DGKB: variants seen among roughly 807,000 people sequenced by gnomAD.
The protein encoded by DGKB is diacylglycerol kinase beta, also known as 90 kDa diacylglycerol kinase.
Under a neutral mutation model 114.3 loss-of-function variants are expected in DGKB, and 67 were observed. That is an observed-to-expected ratio of 0.59 (90% CI 0.48 to 0.72). The LOEUF is 0.72. Among genes scored for constraint, DGKB ranks in the 30% least tolerant of loss-of-function variants. The pLI, the probability that DGKB is intolerant of heterozygous loss-of-function variation, is 0.00. For missense variants in DGKB, 907 were observed against 975.2 expected, an observed-to-expected ratio of 0.93 and a Z score of 0.93; for synonymous variants, 398 against 323.1, an observed-to-expected ratio of 1.23 and a Z score of -2.49.
At chr7:14,734,719 G>C (rs759829771) in intron 5 of DGKB, among the ~76,000 whole-genome samples, 1 of 152,104 alleles carries the variant, frequency 6.6e-6, no homozygotes, top group Admixed American at 6.5e-5. Flanking sequence ...TTAACAGGTA[G>C]TGGTTTGATT....
intron 21 of DGKB, among the ~76,000 whole-genome samples, chr7:14,408,518 A>T (rs1824322667): frequency 6.6e-6 from 1 of 152,144 alleles, no homozygotes; most frequent in Non-Finnish European, 1.5e-5. Context: ...TGAATAATTT[A>T]TATATTGAGG....
chr7:14,461,340 TAAAC>T (rs764446991), intron 21 of DGKB, among the ~76,000 whole-genome samples: 13 of 146,242 alleles, frequency 8.9e-5, no homozygotes, highest in Non-Finnish European at 1.2e-4. Context: ...TTTTTAAAGA[TAAAC>T]AAAATAGACC....
chr7:14,660,018 T>C (rs1816703068), intron 13 of DGKB, among the ~76,000 whole-genome samples: 1 of 151,284 alleles, frequency 6.6e-6, no homozygotes, highest in African/African-American at 2.4e-5. Context: ...TGGCTCTGTT[T>C]ATATGCTGGA....
chr7:14,396,406 A>G (rs1370927632), intron 21 of DGKB, among the ~76,000 whole-genome samples: 5 of 152,144 alleles, frequency 3.3e-5, no homozygotes, highest in Admixed American at 1.3e-4. Flanking sequence ...ATTTTCTACA[A>G]AAAGAAAGCT....
intron 1 of DGKB, among the ~76,000 whole-genome samples, chr7:14,965,085 T>C (rs895762452): frequency 6.6e-6 from 1 of 152,104 alleles, no homozygotes; most frequent in Non-Finnish European, 1.5e-5. Context: ...TTTGGGAGGA[T>C]CAGAAGAATA....
chr7:14,449,165 C>G (rs117408020), intron 21 of DGKB, among the ~76,000 whole-genome samples: 12 of 152,086 alleles, frequency 7.9e-5, no homozygotes, highest in Non-Finnish European at 1.6e-4. Context: ...AAGATCTGTT[C>G]TTTTTACATA....
intron 2 of DGKB, among the ~76,000 whole-genome samples, chr7:14,819,083 C>T (rs776242542): frequency 1.1e-4 from 17 of 152,136 alleles, no homozygotes; most frequent in South Asian, 4.1e-4. Flanking sequence ...TCTTAGTCTA[C>T]GCCCTGTCCT....
chr7:14,373,108 A>C (rs996990023), intron 21 of DGKB, among the ~76,000 whole-genome samples: 2 of 152,214 alleles, frequency 1.3e-5, no homozygotes, highest in Non-Finnish European at 2.9e-5. Context: ...TGCACATTGA[A>C]TGACAAAATT....
In DGKB at chr7:14,935,571, G is replaced by A. The variant is rs138973063; in HGVS notation, c.-188+39125C>T. Among the ~76,000 whole-genome samples the A allele has an allele frequency of 7.7e-4, 117 of 152,134 alleles. 1 individual carries two copies. The highest frequency in any genetic ancestry group is 2.6e-3 in the African/African-American group (110 of 41,524). On this transcript the variant is annotated intron_variant, in intron 1 of 4. Transcript: ENST00000437998. The stretch of plus-strand genomic sequence containing the variant: ...GTAATTTTATAGAAAATGAGGAAAC[G>A]AGTGAATGTAAAATAGTTACTATGT...
intron 21 of DGKB, among the ~76,000 whole-genome samples, chr7:14,411,195 C>T (rs1186501138): frequency 2.6e-5 from 4 of 152,118 alleles, no homozygotes; most frequent in Non-Finnish European, 5.9e-5. Flanking sequence ...CGATGATTTT[C>T]CCAACTGTTA....
chr7:14,910,238 CAAAAAAAG>C (rs1783915344), intron 1 of DGKB, among the ~76,000 whole-genome samples: 1 of 124,376 alleles, frequency 8.0e-6, no homozygotes, highest in Non-Finnish European at 1.7e-5. Context: ...GAGACTCCAT[CAAAAAAAG>C]AAAGAAAGAA....
At chr7:14,789,988 T>C (rs914006060) in intron 2 of DGKB, among the ~76,000 whole-genome samples, 1 of 152,186 alleles carries the variant, frequency 6.6e-6, no homozygotes, top group African/African-American at 2.4e-5. Flanking sequence ...GCTATTCTAA[T>C]AGCTGAATAA....
intron 2 of DGKB, among the ~76,000 whole-genome samples, chr7:14,788,269 A>G (rs1840175440): frequency 6.6e-6 from 1 of 152,216 alleles, no homozygotes; most frequent in South Asian, 2.1e-4. Flanking sequence ...GGTGTACAGA[A>G]TCTTTCTAAG....
intron 13 of DGKB, among the ~76,000 whole-genome samples, chr7:14,658,991 T>C (rs940200215): frequency 6.6e-6 from 1 of 151,942 alleles, no homozygotes; most frequent in East Asian, 1.9e-4. Flanking sequence ...CCATGGTGGT[T>C]TGCTGCACCT....
At chr7:14,413,743 T>C (rs137951864) in intron 21 of DGKB, among the ~76,000 whole-genome samples, 46 of 152,236 alleles carry the variant, frequency 3.0e-4, no homozygotes, top group African/African-American at 1.0e-3. Flanking sequence ...TGGAAGTCAT[T>C]GGCACCCAGG....
intron 23 of DGKB, among the ~76,000 whole-genome samples, chr7:14,248,341 G>C (rs1794760202): frequency 6.6e-6 from 1 of 151,988 alleles, no homozygotes; most frequent in Admixed American, 6.6e-5. Flanking sequence ...GGGGTCTTTT[G>C]TTGTTCCATA....
chr7:14,618,375 A>G (rs781404181), intron 15 of DGKB, among the ~76,000 whole-genome samples: 1 of 151,642 alleles, frequency 6.6e-6, no homozygotes, highest in Non-Finnish European at 1.5e-5. Context: ...TTCTCGTGCT[A>G]AAAGTGTTAC....
intron 23 of DGKB, among the ~76,000 whole-genome samples, chr7:14,281,877 T>G (rs1271167341): frequency 1.4e-5 from 2 of 139,822 alleles, no homozygotes; most frequent in Non-Finnish European, 3.1e-5. Context: ...TAGAGGGAAA[T>G]TTATAGCACT....
chr7:14,283,951 T>C (rs1800393099), intron 23 of DGKB, among the ~76,000 whole-genome samples: 1 of 152,112 alleles, frequency 6.6e-6, no homozygotes, highest in African/African-American at 2.4e-5. Context: ...GACATAGGCA[T>C]GGGCAAGGAC....
Sources: gnomAD v4.1 joint callset for allele counts (sites outside exome capture counted in the v4.1 genomes callset) on GRCh38, gnomAD v4.1.1 for gene constraint, MANE v1.5 for transcripts, NCBI Gene and HGNC (gene_info 2026-07-23, HGNC 2026-07-21) for gene names.